The following KRABD5 variants were observed in gnomAD, a reference collection of about 807,000 sequenced individuals.
KRABD5 encodes KRAB domain containing 5, also known as KRAB domain-containing protein 5.
At chr16:31,730,378 C>T in the KRABD5 span, among the ~76,000 whole-genome samples, 1 of 152,054 alleles carries the variant, frequency 6.6e-6, no homozygotes, top group African/African-American at 2.4e-5. Flanking sequence ...TATGGTATCA[C>T]TCCCATTTGG....
chr16:31,722,596 T>C, the KRABD5 span: 1 of 1,609,472 alleles, frequency 6.2e-7, no homozygotes, highest in Non-Finnish European at 8.5e-7. Context: ...CATGGCCACA[T>C]GGTCAATGTG....
At chr16:31,726,223 G>GGGAA in the KRABD5 span, among the ~76,000 whole-genome samples, 4 of 152,068 alleles carry the variant, frequency 2.6e-5, no homozygotes, top group South Asian at 6.2e-4. Context: ...ATCATTTATT[G>GGGAA]AAGAGACCAT....
chr16:31,751,056 A>G, the KRABD5 span, among the ~76,000 whole-genome samples: 5 of 152,204 alleles, frequency 3.3e-5, no homozygotes, highest in Admixed American at 3.3e-4. Context: ...CACTGCGCCT[A>G]GCTTTTAAAT....
At chr16:31,716,591 G>T in the KRABD5 span, among the ~76,000 whole-genome samples, 1 of 152,138 alleles carries the variant, frequency 6.6e-6, no homozygotes, top group Non-Finnish European at 1.5e-5. Flanking sequence ...TGTTGCCCAG[G>T]CTCATCACGA....
chr16:31,761,287 C>T, the KRABD5 span: 1 of 152,244 alleles, frequency 6.6e-6, no homozygotes, highest in East Asian at 1.9e-4. Context: ...TTCATACTTA[C>T]TGTTCTAGTG....
the KRABD5 span, among the ~76,000 whole-genome samples, chr16:31,740,400 A>G: frequency 6.6e-6 from 1 of 152,118 alleles, no homozygotes; most frequent in Admixed American, 6.5e-5. Flanking sequence ...TTTCAGCTCC[A>G]TACTTTGTGT....
chr16:31,753,325 A>G, the KRABD5 span, among the ~76,000 whole-genome samples: 1 of 152,172 alleles, frequency 6.6e-6, no homozygotes, highest in Non-Finnish European at 1.5e-5. Context: ...TTGACCCGAC[A>G]TATCATTTCA....
the KRABD5 span, among the ~76,000 whole-genome samples, chr16:31,720,522 C>CA: frequency 2.0e-5 from 3 of 152,200 alleles, no homozygotes; most frequent in African/African-American, 7.2e-5. Flanking sequence ...TAAGTAGAGT[C>CA]ACATGGCCAG....
At chr16:31,761,545 A>G in the KRABD5 span, 1 of 152,184 alleles carries the variant, frequency 6.6e-6, no homozygotes, top group African/African-American at 2.4e-5. Context: ...TCTTTCTACA[A>G]AAATAAACAT....
chr16:31,728,266 T>A, the KRABD5 span, among the ~76,000 whole-genome samples: 1 of 152,222 alleles, frequency 6.6e-6, no homozygotes, highest in Admixed American at 6.5e-5. Context: ...TGATCTTTTC[T>A]ATTGCCTTTC....
the KRABD5 span, among the ~76,000 whole-genome samples, chr16:31,731,866 C>G: frequency 7.2e-5 from 11 of 152,148 alleles, no homozygotes; most frequent in Non-Finnish European, 1.3e-4. Flanking sequence ...AGTTCTACAT[C>G]CAGGGGCACA....
chr16:31,713,454 G>A, the KRABD5 span: 11 of 1,601,944 alleles, frequency 6.9e-6, no homozygotes, highest in African/African-American at 2.7e-5. Flanking sequence ...GCCAGGTCGG[G>A]GGTCCCCAGA....
the KRABD5 span, chr16:31,713,513 C>T: frequency 6.5e-7 from 1 of 1,543,090 alleles, no homozygotes. Flanking sequence ...TTGAGGTTAG[C>T]TTCGGGGTCT....
At chr16:31,756,819 T>C in the KRABD5 span, 2 of 152,138 alleles carry the variant, frequency 1.3e-5, no homozygotes, top group Non-Finnish European at 2.9e-5. Context: ...ACAGATGTAC[T>C]AAGATAGAAA....
the KRABD5 span, among the ~76,000 whole-genome samples, chr16:31,721,838 C>G: frequency 6.6e-6 from 1 of 152,180 alleles, no homozygotes; most frequent in African/African-American, 2.4e-5. Context: ...CACTGGTAAG[C>G]TTGTTAAAAA....
chr16:31,753,685 T>A, the KRABD5 span: 1 of 1,297,366 alleles, frequency 7.7e-7, no homozygotes, highest in Non-Finnish European at 1.0e-6. Flanking sequence ...CTCAACGTGA[T>A]ATAATTTGTG....
the KRABD5 span, among the ~76,000 whole-genome samples, chr16:31,752,563 C>A: frequency 2.8e-4 from 43 of 152,166 alleles, no homozygotes; most frequent in Non-Finnish European, 5.4e-4. Context: ...GGTTAATATT[C>A]TCATTTCTTA....
the KRABD5 span, among the ~76,000 whole-genome samples, chr16:31,727,648 G>T: frequency 6.6e-6 from 1 of 151,994 alleles, no homozygotes; most frequent in East Asian, 1.9e-4. Context: ...TTTTCTCATT[G>T]GATTTTTTTA....
chr16:31,731,363 A>G, the KRABD5 span, among the ~76,000 whole-genome samples: 1 of 92,192 alleles, frequency 1.1e-5, no homozygotes, highest in Admixed American at 9.5e-5. Flanking sequence ...TGGGAAGACA[A>G]CTTTCTTCAG....
Sources: gnomAD v4.1 joint callset for allele counts (sites outside exome capture counted in the v4.1 genomes callset) on GRCh38, gnomAD v4.1.1 for gene constraint, MANE v1.5 for transcripts, NCBI Gene and HGNC (gene_info 2026-07-23, HGNC 2026-07-21) for gene names.